The following NLRC5 variants were observed in gnomAD, a reference collection of about 807,000 sequenced individuals.
NLRC5 encodes protein NLRC5.
Under a neutral mutation model 206.9 loss-of-function variants are expected in NLRC5, and 114 were observed. The ratio of observed to expected loss-of-function variants is 0.55; its 90% confidence interval spans 0.47 to 0.64. The LOEUF (loss-of-function observed/expected upper bound fraction) is 0.64, where lower values mean the gene tolerates loss of function less well. NLRC5 is among the 30% of genes least tolerant of loss of function. The pLI, the probability that NLRC5 is intolerant of heterozygous loss-of-function variation, is 0.00. For synonymous variants in NLRC5, 952 were observed against 962.8 expected (o/e 0.99, Z 0.21); for missense variants, 2,008 against 2,305.5 (o/e 0.87, Z 2.64).
In NLRC5 at chr16:57,077,736, T is replaced by A. The variant is rs1435977698; in HGVS notation, c.4937T>A (p.Ile1646Asn). 1 of 1,595,604 alleles carries A rather than the reference T, an allele frequency of 6.3e-7. No homozygotes were observed. The highest frequency in any genetic ancestry group is 1.1e-5 in the South Asian group (1 of 88,690). ...TCCCACAGCCTCTCAGGGAATAGCA[T>A]CAGCTCAGCCGGGGGAGTGCAGTTG... ...LRKIDLSGNS[I>N]SSAGGVQLAE... The change falls in exon 42 of 49, where the codon ATC becomes AAC. Residue 1646 changes from isoleucine (I) to asparagine (N), a missense_variant. Ile to Asn is a moderately radical substitution (Grantham distance 149). Transcript: ENST00000688547.
intron 30 of NLRC5, among the ~76,000 whole-genome samples, 159 bp downstream of exon 30, chr16:57,059,691 C>A (rs1196838134): frequency 6.6e-6 from 1 of 152,174 alleles, no homozygotes; most frequent in African/African-American, 2.4e-5. Flanking sequence ...GCCCCCGATG[C>A]CCTGGTAACT....
chr16:57,008,314 C>G (rs2059139950), intron 1 of NLRC5, among the ~76,000 whole-genome samples: 1 of 152,088 alleles, frequency 6.6e-6, no homozygotes. Context: ...TGAAACATAA[C>G]ACATAGAAAA....
intron 18 of NLRC5, 71 bp from the exon 19 acceptor site, chr16:57,041,911 G>A: frequency 9.8e-7 from 1 of 1,024,684 alleles, no homozygotes; most frequent in South Asian, 1.6e-5. Context: ...TAACTGGAAT[G>A]CAGGGACCAT....
chr16:57,037,387 A>C, intron 15 of NLRC5, 103 bp downstream of exon 15: 1 of 1,058,254 alleles, frequency 9.4e-7, no homozygotes, highest in Non-Finnish European at 1.4e-6. Flanking sequence ...CGGGCAGAAG[A>C]TGCTGCTGCT....
chr16:57,021,722 C>T (rs1391163524), intron 3 of NLRC5, among the ~76,000 whole-genome samples: 10 of 152,234 alleles, frequency 6.6e-5, no homozygotes, highest in African/African-American at 1.4e-4. Context: ...GAAACAGTGA[C>T]GGGGAGCGCC....
chr16:57,050,916 G>A (rs901529092), intron 23 of NLRC5, among the ~76,000 whole-genome samples: 19 of 152,016 alleles, frequency 1.2e-4, no homozygotes, highest in African/African-American at 3.6e-4. Context: ...GCAGTGGTAC[G>A]ATCTTGGCTC....
chr16:57,042,203 T>G (rs158482), intron 19 of NLRC5, 138 bp downstream of exon 19: 454,737 of 459,764 alleles, frequency 0.99, 224,888 homozygotes, highest in East Asian at 1. Context: ...CAATGTAAGT[T>G]CTCGGTGAAG....
chr16:57,021,151 G>A (rs2060627659), intron 3 of NLRC5, 144 bp downstream of exon 3: 2 of 736,888 alleles, frequency 2.7e-6, no homozygotes, highest in Non-Finnish European at 4.3e-6. Flanking sequence ...ACACTTCCCA[G>A]AACAAATTTC....
chr16:57,004,372 C>G (rs2058669066), intron 1 of NLRC5: 1 of 152,346 alleles, frequency 6.6e-6, no homozygotes, highest in African/African-American at 2.4e-5. Context: ...AAACGATCTT[C>G]CTGCCTCAGC....
At chr16:57,055,186 C>A in intron 26 of NLRC5, 92 bp downstream of exon 26, 1 of 1,334,652 alleles carries the variant, frequency 7.5e-7, no homozygotes, top group Non-Finnish European at 1.1e-6. Context: ...TGCAGACTGC[C>A]TACCACAAAA....
intron 10 of NLRC5, among the ~76,000 whole-genome samples, chr16:57,030,721 C>T (rs1311240105): frequency 6.6e-6 from 1 of 152,156 alleles, no homozygotes; most frequent in African/African-American, 2.4e-5. Flanking sequence ...GAATAATTAG[C>T]TGTGTGTTGC....
chr16:57,005,422 G>C lies in NLRC5; in HGVS notation c.-127-11652G>C, dbSNP rs576321548. On this transcript the variant is annotated intron_variant, in intron 1 of 48. Coordinates refer to ENST00000688547, the MANE Select transcript of NLRC5 (RefSeq NM_001384950.1). ...ACCTGTAATCCCAACACTTGGGGAG[G>C]CCAAGGCAGGAGGATCACTTGAGCG... Among the ~76,000 whole-genome samples, 17 of 151,874 alleles carry C rather than the reference G, an allele frequency of 1.1e-4. No individual in the cohort carries two copies. The South Asian group carries it at 1.5e-3, about 13-fold the overall frequency.
At chr16:57,042,167 A>G in intron 19 of NLRC5, 102 bp downstream of exon 19, 1 of 666,042 alleles carries the variant, frequency 1.5e-6, no homozygotes, top group Non-Finnish European at 2.3e-6. Context: ...ATTAAATCGG[A>G]AAATGCATGA....
intron 29 of NLRC5, 143 bp downstream of exon 29, chr16:57,059,204 A>G: frequency 6.5e-7 from 1 of 1,541,322 alleles, no homozygotes; most frequent in Admixed American, 2.0e-5. Flanking sequence ...TCTGAATCTC[A>G]GGGTTTCCTG....
chr16:57,026,351 A>G lies in NLRC5; in HGVS notation c.1408A>G (p.Thr470Ala). The G allele has an allele frequency of 6.2e-7, 1 of 1,613,886 alleles. No individual in the cohort carries two copies. Reference protein sequence around the residue: ...LGEVALRGLETGKVIFYAKDI... With the variant: ...LGEVALRGLEAGKVIFYAKDI... ...GGAGGTGGCCCTGAGGGGCCTGGAGACAGGGAAGGTTATCTTCTATGCAAA... is the reference window on the plus strand; with the variant it reads ...GGAGGTGGCCCTGAGGGGCCTGGAGGCAGGGAAGGTTATCTTCTATGCAAA... The change falls in exon 6 of 49, where the codon ACA becomes GCA. Residue 470 changes from threonine to alanine, a missense_variant. By Grantham distance (58) the Thr-to-Ala change is moderately conservative (BLOSUM62 0). Transcript: ENST00000688547.
chr16:57,074,561 C>T, intron 38 of NLRC5, 39 bp from the exon 39 acceptor site: 1 of 1,589,356 alleles, frequency 6.3e-7, no homozygotes. Flanking sequence ...CAGTGCCCCA[C>T]CCCCAGATGT....
At chr16:57,076,756 C>A in intron 39 of NLRC5, 63 bp from the exon 40 acceptor site, 1 of 1,472,704 alleles carries the variant, frequency 6.8e-7, no homozygotes, top group Non-Finnish European at 9.5e-7. Flanking sequence ...GAGTTCTTAG[C>A]ACAGCACCTG....
intron 38 of NLRC5, among the ~76,000 whole-genome samples, chr16:57,073,204 C>G (rs1023361893): frequency 6.6e-6 from 1 of 152,204 alleles, no homozygotes; most frequent in Admixed American, 6.5e-5. Flanking sequence ...TCCCAGGCAC[C>G]ATGTGCTGCT....
At chr16:57,071,589 G>A (rs1247082836) in intron 38 of NLRC5, among the ~76,000 whole-genome samples, 1 of 125,108 alleles carries the variant, frequency 8.0e-6, no homozygotes. Context: ...TGGGGAAGGG[G>A]GTGAGTGAGT....
Sources: gnomAD v4.1 joint callset for allele counts (sites outside exome capture counted in the v4.1 genomes callset) on GRCh38, gnomAD v4.1.1 for gene constraint, MANE v1.5 for transcripts, NCBI Gene and HGNC (gene_info 2026-07-23, HGNC 2026-07-21) for gene names.